The following CTNNA2 variants were observed in gnomAD, a reference collection of about 807,000 sequenced individuals.
CTNNA2 encodes the protein catenin alpha 2.
Under a neutral mutation model 101.0 loss-of-function variants are expected in CTNNA2, and 42 were observed. The observed-to-expected ratio is 0.42, with a 90% CI of 0.32 to 0.54. The LOEUF is 0.54. Among genes scored for constraint, CTNNA2 ranks in the 20% least tolerant of loss-of-function variants. The probability of loss-of-function intolerance (pLI) is 0.14; values close to 1 mark genes in which losing one functional copy is unlikely to be tolerated. For missense variants in CTNNA2, 871 were observed against 1,223.1 expected, an observed-to-expected ratio of 0.71 and a Z score of 4.29; for synonymous variants, 450 against 456.4, an observed-to-expected ratio of 0.99 and a Z score of 0.18.
chr2:79,359,557 G>T (rs1677580418), intron 3 of CTNNA2, among the ~76,000 whole-genome samples: 1 of 152,168 alleles, frequency 6.6e-6, no homozygotes, highest in South Asian at 2.1e-4. Flanking sequence ...TAGCAAGAAG[G>T]CTCATGCTGA....
At chr2:79,968,456 C>G (rs1690238059) in intron 7 of CTNNA2, among the ~76,000 whole-genome samples, 1 of 152,100 alleles carries the variant, frequency 6.6e-6, no homozygotes, top group African/African-American at 2.4e-5. Flanking sequence ...TTTTCCTTTT[C>G]TCCATATGGA....
At chr2:80,380,224 G>A (rs549259711) in intron 7 of CTNNA2, among the ~76,000 whole-genome samples, 1 of 152,008 alleles carries the variant, frequency 6.6e-6, no homozygotes, top group East Asian at 1.9e-4. Flanking sequence ...TTTTGGTAGA[G>A]ACGGGGTTTC....
chr2:80,315,716 T>C (rs551970261), intron 7 of CTNNA2, among the ~76,000 whole-genome samples: 130 of 152,294 alleles, frequency 8.5e-4, no homozygotes, highest in African/African-American at 2.8e-3. Flanking sequence ...AGTGGAGAAA[T>C]AGGCTCCACC....
At chr2:79,273,834 G>A (rs1043905937) in intron 2 of CTNNA2, among the ~76,000 whole-genome samples, 5 of 151,826 alleles carry the variant, frequency 3.3e-5, no homozygotes, top group Admixed American at 2.6e-4. Context: ...TGGGAAAAGG[G>A]TTTTAAGGGA....
chr2:80,497,610 C>G (rs1192742983), intron 9 of CTNNA2, among the ~76,000 whole-genome samples: 6 of 152,156 alleles, frequency 3.9e-5, no homozygotes, highest in African/African-American at 1.4e-4. Flanking sequence ...CTGCATAATG[C>G]CTTCCATTGG....
At chr2:80,627,849 A>C (rs1415490986) in intron 18 of CTNNA2, among the ~76,000 whole-genome samples, 3 of 151,928 alleles carry the variant, frequency 2.0e-5, no homozygotes, top group African/African-American at 7.2e-5. Flanking sequence ...TAAGTCCTAC[A>C]TTTAAGTCTT....
At chr2:80,440,904 C>T (rs78055248) in intron 9 of CTNNA2, among the ~76,000 whole-genome samples, 3,806 of 152,260 alleles carry the variant, frequency 0.025, 61 homozygotes, top group Non-Finnish European at 0.036. Context: ...TTCTTCATAA[C>T]TTTCCATTGA....
chr2:79,436,573 T>C (rs1351622385), intron 4 of CTNNA2, among the ~76,000 whole-genome samples: 2 of 152,166 alleles, frequency 1.3e-5, no homozygotes, highest in Non-Finnish European at 2.9e-5. Context: ...CTCATGAGGT[T>C]CTAATGTGTA....
intron 7 of CTNNA2, among the ~76,000 whole-genome samples, chr2:80,279,829 T>C (rs1228294645): frequency 6.6e-6 from 1 of 152,082 alleles, no homozygotes; most frequent in Non-Finnish European, 1.5e-5. Flanking sequence ...AAATAGGTGA[T>C]TGTCTCACCC....
intron 4 of CTNNA2, among the ~76,000 whole-genome samples, chr2:79,868,943 C>A (rs928413634): frequency 5.3e-5 from 8 of 152,154 alleles, no homozygotes; most frequent in Non-Finnish European, 1.2e-4. Flanking sequence ...TCCTTCACCA[C>A]AATATCTTAA....
At chr2:79,252,157 T>G (rs1484795397) in intron 2 of CTNNA2, among the ~76,000 whole-genome samples, 1 of 152,174 alleles carries the variant, frequency 6.6e-6, no homozygotes, top group East Asian at 1.9e-4. Flanking sequence ...GCATTCAGCT[T>G]ATCAGCTCTG....
At chr2:79,257,175 A>T (rs1436663493) in intron 2 of CTNNA2, among the ~76,000 whole-genome samples, 3 of 152,276 alleles carry the variant, frequency 2.0e-5, no homozygotes, top group Admixed American at 6.5e-5. Context: ...AAAAGTTAAG[A>T]ATAATCCATG....
At chr2:79,901,091 C>T (rs1390623070) in intron 6 of CTNNA2, among the ~76,000 whole-genome samples, 2 of 152,068 alleles carry the variant, frequency 1.3e-5, no homozygotes, top group South Asian at 2.1e-4. Flanking sequence ...GAGAAATATA[C>T]CTACATTTAA....
intron 3 of CTNNA2, among the ~76,000 whole-genome samples, chr2:79,356,933 A>G (rs933017205): frequency 9.2e-5 from 14 of 152,226 alleles, no homozygotes; most frequent in African/African-American, 3.4e-4. Flanking sequence ...AAATTCAAGA[A>G]AATGGATGAC....
At position 79,861,768 on chromosome 2, in the gene CTNNA2, G is replaced by T. The variant is rs149544581; in HGVS notation, c.465+3589G>T. 9.9e-3 allele frequency among the ~76,000 whole-genome samples: 1,511 copies of T among 152,256 alleles called. 32 individuals are homozygous for T. The highest frequency in any genetic ancestry group is 0.034 in the African/African-American group (1,394 of 41,534). On this transcript the variant is annotated intron_variant, in intron 4 of 18. Transcript: ENST00000402739. ...CAGGAGGATAGAGATAGAACAGTGG[G>T]TGACTTAGAGTTCTAGTGCCCAGTT...
chr2:79,621,116 C>T (rs1172383772), intron 1 of CTNNA2, among the ~76,000 whole-genome samples: 3 of 152,126 alleles, frequency 2.0e-5, no homozygotes, highest in Non-Finnish European at 4.4e-5. Flanking sequence ...TGGTGTCTCC[C>T]TGTGGGATGA....
intron 7 of CTNNA2, among the ~76,000 whole-genome samples, chr2:79,931,222 A>T (rs994141766): frequency 6.6e-6 from 1 of 152,200 alleles, no homozygotes; most frequent in African/African-American, 2.4e-5. Context: ...TTGACTCACC[A>T]ATAAGTTGTA....
At chr2:80,044,496 A>C (rs1696385811) in intron 7 of CTNNA2, among the ~76,000 whole-genome samples, 1 of 152,274 alleles carries the variant, frequency 6.6e-6, no homozygotes, top group Admixed American at 6.5e-5. Flanking sequence ...TACAGATGTT[A>C]AAAACCTCTA....
chr2:79,807,040 T>C (rs973453254), intron 3 of CTNNA2, among the ~76,000 whole-genome samples: 1 of 152,162 alleles, frequency 6.6e-6, no homozygotes, highest in Non-Finnish European at 1.5e-5. Context: ...CTTTGACTTC[T>C]CTGCTCTCTC....
Sources: gnomAD v4.1 joint callset for allele counts (sites outside exome capture counted in the v4.1 genomes callset) on GRCh38, gnomAD v4.1.1 for gene constraint, MANE v1.5 for transcripts, NCBI Gene and HGNC (gene_info 2026-07-23, HGNC 2026-07-21) for gene names.